The following LTV1 variants were observed in gnomAD, a reference collection of about 807,000 sequenced individuals.
LTV1 encodes the protein LTV1 ribosome biogenesis factor.
Under a neutral mutation model 59.9 loss-of-function variants are expected in LTV1, and 39 were observed. That is an observed-to-expected ratio of 0.65 (90% CI 0.50 to 0.85). The LOEUF is 0.85. Ranked by LOEUF, LTV1 falls within the 40% of genes least tolerant of loss-of-function variation. The pLI is 0.00. For missense variants in LTV1, 493 were observed against 549.1 expected, an observed-to-expected ratio of 0.90 and a Z score of 1.02; for synonymous variants, 171 against 189.5, an observed-to-expected ratio of 0.90 and a Z score of 0.80.
chr6:143,855,518 T>G lies in LTV1; in HGVS notation c.398-1785T>G, dbSNP rs146956018. Among the ~76,000 whole-genome samples the G allele has an allele frequency of 2.1e-3, 318 of 152,332 alleles. 2 individuals are homozygous for G. Among genetic ancestry groups the G allele is most frequent in the African/African-American group, 7.4e-3 (309 of 41,580 alleles). ...TAGCTGGTTATTTTGCCCATTAGTT[T>G]ATGCAGTTTCTTCTTAGTATCGATG... On this transcript the variant is annotated intron_variant, in intron 4 of 10. Coordinates refer to ENST00000367576, the MANE Select transcript of LTV1 (RefSeq NM_032860.5). The surrounding 1 kb of genome is among the most constrained non-coding windows in gnomAD (Gnocchi z 4.6).
chr6:143,863,725 A>G lies in LTV1; in HGVS notation c.*198A>G, dbSNP rs184930857. 5.5e-5 allele frequency: 23 copies of G among 420,768 alleles called. No individual in the cohort carries two copies. Among genetic ancestry groups the G allele is most frequent in the African/African-American group, 4.6e-4 (23 of 50,058 alleles). 26.1% of individuals were successfully genotyped at this position (420,768 alleles called of 1,614,324 possible). A position where few individuals can be genotyped will look rare whatever the true frequency, so the allele number is the denominator to read the frequency against. On this transcript the variant is annotated 3_prime_UTR_variant, in exon 11 of 11. Coordinates refer to ENST00000367576, the MANE Select transcript of LTV1 (RefSeq NM_032860.5). The surrounding 1 kb of genome is among the most constrained non-coding windows in gnomAD (Gnocchi z 4.5). Reference sequence around the variant, plus strand: ...ATATTGTAATACTTTAATTTTTAATATTATAAGCTTACATTTGCTCTGAAG... The same window carrying G: ...ATATTGTAATACTTTAATTTTTAATGTTATAAGCTTACATTTGCTCTGAAG...
chr6:143,851,799 C>T (rs1776986925), intron 4 of LTV1, among the ~76,000 whole-genome samples: 1 of 152,104 alleles, frequency 6.6e-6, no homozygotes, highest in Admixed American at 6.5e-5. Context: ...GTTCAACTCC[C>T]ACTTATGAGT....
chr6:143,853,302 T>G (rs1459034357), intron 4 of LTV1, among the ~76,000 whole-genome samples: 1 of 152,222 alleles, frequency 6.6e-6, no homozygotes, highest in Non-Finnish European at 1.5e-5. Context: ...GCTTGTGATT[T>G]TTGCACATTG....
intron 3 of LTV1, 125 bp downstream of exon 3, chr6:143,846,349 T>G: frequency 1.2e-6 from 1 of 804,986 alleles, no homozygotes; most frequent in South Asian, 1.8e-5. Flanking sequence ...CGCCTCCACT[T>G]AAAATTATAT....
rs1191139872 is a variant in LTV1, at chr6:143,855,044, G to T, written c.398-2259G>T. Reference sequence around the variant, plus strand: ...TTGATCTGTCTAATATTGACAGTGGGGTGTTAAAGTCTCCCATTATTATTG... The same window carrying T: ...TTGATCTGTCTAATATTGACAGTGGTGTGTTAAAGTCTCCCATTATTATTG... On this transcript the variant is annotated intron_variant, in intron 4 of 10. Transcript: ENST00000367576. This position sits in a 1 kb window ranked among gnomAD's most constrained non-coding sequence, Gnocchi z 4.6. Among the ~76,000 whole-genome samples the T allele has an allele frequency of 6.6e-6, 1 of 152,024 alleles. No individual in the cohort carries two copies. The highest frequency in any genetic ancestry group is 1.9e-4 in the East Asian group (1 of 5,190).
intron 7 of LTV1, among the ~76,000 whole-genome samples, chr6:143,860,898 A>AT (rs34010559): frequency 0.018 from 2,539 of 144,030 alleles, 46 homozygotes; most frequent in African/African-American, 0.051. Context: ...CGTTTATTAA[A>AT]TTTTTTTTTT....
Position 143,862,111 on chromosome 6 carries a change from A to G in LTV1, c.931A>G (p.Lys311Glu). Residue 311 changes from lysine to glutamate, a missense_variant, in exon 8 of 11, where the codon AAA (lysine) becomes GAA (glutamate). By Grantham distance (56) the Lys-to-Glu change is moderately conservative (BLOSUM62 1). Coordinates refer to ENST00000367576, the MANE Select transcript of LTV1 (RefSeq NM_032860.5). This position sits in a 1 kb window ranked among gnomAD's most constrained non-coding sequence, Gnocchi z 4.2. ...TAAAAACTCGTCTAAAAGTTGTGTA[A>G]AATTGAATACCCTTGAACCCTTGGA... ...YYKEKAENCV[K>E]LNTLEPLEDQ... The G allele has an allele frequency of 6.2e-7, 1 of 1,611,490 alleles. No homozygotes were observed.
At chr6:143,856,339 CT>C (rs1181370307) in intron 4 of LTV1, among the ~76,000 whole-genome samples, 2 of 152,054 alleles carry the variant, frequency 1.3e-5, no homozygotes, top group Non-Finnish European at 2.9e-5. Context: ...TTCCTCTAAC[CT>C]TTTTTCAAGG....
At chr6:143,856,988 A>T (rs1400585212) in intron 4 of LTV1, among the ~76,000 whole-genome samples, 6 of 152,214 alleles carry the variant, frequency 3.9e-5, no homozygotes, top group Admixed American at 2.6e-4. Flanking sequence ...TGCTCTCTTC[A>T]GAGCCGGCAG....
At chr6:143,851,764 C>T (rs2128491358) in intron 4 of LTV1, among the ~76,000 whole-genome samples, 1 of 152,208 alleles carries the variant, frequency 6.6e-6, no homozygotes, top group Admixed American at 6.5e-5. Flanking sequence ...TGATGTTCCC[C>T]TCCCTGTGTC....
chr6:143,843,444 C>T lies in LTV1; in HGVS notation c.-34C>T, dbSNP rs1266878702. 1.2e-6 allele frequency: 2 copies of T among 1,612,718 alleles called. No homozygotes were observed. The highest frequency in any genetic ancestry group is 1.7e-6 in the Non-Finnish European group (2 of 1,179,966). On this transcript the variant is annotated 5_prime_UTR_variant, in exon 1 of 11. Coordinates refer to ENST00000367576, the MANE Select transcript of LTV1 (RefSeq NM_032860.5). ...CCGGACTTCGAGGGTGTCATCGCCG[C>T]CCCTGTTGGGGGTGAGCGCCGCGCG...
intron 3 of LTV1, 62 bp from the exon 4 acceptor site, chr6:143,850,069 C>A: frequency 1.5e-6 from 2 of 1,338,408 alleles, no homozygotes; most frequent in Non-Finnish European, 2.1e-6. Flanking sequence ...GACTTCAACC[C>A]GGTACACTAG....
chr6:143,851,608 G>A (rs1776984431), intron 4 of LTV1, among the ~76,000 whole-genome samples: 1 of 151,672 alleles, frequency 6.6e-6, no homozygotes, highest in African/African-American at 2.4e-5. Context: ...TAAGTCCTGG[G>A]ATATATATGC....
At chr6:143,860,816 G>A (rs535320529) in intron 7 of LTV1, among the ~76,000 whole-genome samples, 9 of 152,238 alleles carry the variant, frequency 5.9e-5, no homozygotes, top group Admixed American at 2.0e-4. Flanking sequence ...GAAGTAGAAC[G>A]TAATGGGAAT....
At position 143,862,133 on chromosome 6, in the gene LTV1, T is replaced by TG; in HGVS notation, c.955dup (p.Glu319GlyfsTer9). 6.2e-7 allele frequency: 1 copy of TG among 1,613,986 alleles called. No individual in the cohort carries two copies. Among genetic ancestry groups the TG allele is most frequent in the Non-Finnish European group, 8.5e-7 (1 of 1,179,902 alleles). On this transcript the variant is annotated frameshift_variant, in exon 8 of 11. Transcript: ENST00000367576. LOFTEE classifies it high-confidence loss of function. This position sits in a 1 kb window ranked among gnomAD's most constrained non-coding sequence, Gnocchi z 4.2. ...GTAAAATTGAATACCCTTGAACCCT[T>TG]GGAGGATCAAGACCTGCCAATGAAT...
intron 4 of LTV1, among the ~76,000 whole-genome samples, 191 bp downstream of exon 4, chr6:143,850,409 T>C (rs1473198514): frequency 3.3e-5 from 5 of 152,232 alleles, no homozygotes; most frequent in Admixed American, 1.3e-4. Flanking sequence ...CAAATCTTTA[T>C]ATCTTTTGAG....
Position 143,857,480 on chromosome 6 carries a change from C to A in LTV1, c.539+36C>A. 1 of 1,543,876 alleles carries A rather than the reference C, an allele frequency of 6.5e-7. No individual in the cohort carries two copies. The highest frequency in any genetic ancestry group is 1.1e-5 in the South Asian group (1 of 88,922). ...TTTGTTTCAAAGCAGAGATGATGAC[C>A]TAAGTGTTACTGCTTCAGTGGGATG... is the stretch of plus-strand genomic sequence containing the variant. On this transcript the variant is annotated intron_variant, in intron 5 of 10. Transcript: ENST00000367576. This position sits in a 1 kb window ranked among gnomAD's most constrained non-coding sequence, Gnocchi z 5.2.
chr6:143,862,740 T>C lies in LTV1; in HGVS notation c.1064-104T>C. ...ATTGATCAGAGACTCCAGTGTTATTTTGCACTATGAAAACACAAGGTCAGA... is the reference window on the plus strand; with the variant it reads ...ATTGATCAGAGACTCCAGTGTTATTCTGCACTATGAAAACACAAGGTCAGA... On this transcript the variant is annotated intron_variant, in intron 8 of 10. Coordinates refer to ENST00000367576, the MANE Select transcript of LTV1 (RefSeq NM_032860.5). The surrounding 1 kb of genome is among the most constrained non-coding windows in gnomAD (Gnocchi z 4.2). The C allele has an allele frequency of 1.3e-6, 1 of 746,858 alleles. No homozygotes were observed. The highest frequency in any genetic ancestry group is 2.4e-6 in the Non-Finnish European group (1 of 415,204). The allele number at this position is 746,858 out of a possible 1,614,324, so 46.3% of individuals were successfully genotyped here.
At chr6:143,853,781 T>A (rs1244323105) in intron 4 of LTV1, among the ~76,000 whole-genome samples, 1 of 151,882 alleles carries the variant, frequency 6.6e-6, no homozygotes, top group Non-Finnish European at 1.5e-5. Flanking sequence ...TGAACCAGCC[T>A]TGCATCCCAG....
Sources: gnomAD v4.1 joint callset for allele counts (sites outside exome capture counted in the v4.1 genomes callset) on GRCh38, gnomAD v4.1.1 for gene constraint, Gnocchi (gnomAD v3.1) non-coding constraint, MANE v1.5 for transcripts, NCBI Gene and HGNC (gene_info 2026-07-23, HGNC 2026-07-21) for gene names.